NPSR1: variants seen among roughly 807,000 people sequenced by gnomAD.
The protein encoded by NPSR1 is neuropeptide S receptor 1.
Under a neutral mutation model 46.9 loss-of-function variants are expected in NPSR1, and 48 were observed. The ratio of observed to expected loss-of-function variants is 1.02; its 90% CI spans 0.81 to 1.30. The LOEUF (loss-of-function observed/expected upper bound fraction) is 1.30. NPSR1 is among the 50% of genes most tolerant of loss of function. The pLI is 0.00. For synonymous variants in NPSR1, 176 were observed against 168.1 expected (o/e 1.05, Z -0.36); for missense variants, 450 against 449.5 (o/e 1.00, Z -0.01).
intron 2 of NPSR1, among the ~76,000 whole-genome samples, chr7:34,715,861 A>G (rs10239860): frequency 6.6e-6 from 1 of 152,120 alleles, no homozygotes; most frequent in African/African-American, 2.4e-5. Context: ...TGGGTGGTGA[A>G]TAGCACCTGG....
chr7:34,703,299 A>G (rs1473900255), intron 2 of NPSR1, among the ~76,000 whole-genome samples: 3 of 152,204 alleles, frequency 2.0e-5, no homozygotes, highest in Non-Finnish European at 4.4e-5. Flanking sequence ...TGAACCCGGG[A>G]AGCGGAGCTC....
At chr7:34,763,516 CA>C (rs138890615) in intron 2 of NPSR1, among the ~76,000 whole-genome samples, 7 of 149,726 alleles carry the variant, frequency 4.7e-5, no homozygotes, top group Admixed American at 1.3e-4. Flanking sequence ...GAAAGAAATA[CA>C]AAAAAAAATA....
intron 1 of NPSR1, among the ~76,000 whole-genome samples, chr7:34,682,345 G>A (rs1792685597): frequency 6.6e-6 from 1 of 152,106 alleles, no homozygotes; most frequent in South Asian, 2.1e-4. Flanking sequence ...TGCTTGATGG[G>A]CTCTTTCCTG....
At chr7:34,822,432 T>A (rs898495314) in intron 4 of NPSR1, among the ~76,000 whole-genome samples, 1 of 152,230 alleles carries the variant, frequency 6.6e-6, no homozygotes, top group African/African-American at 2.4e-5. Context: ...TTATTTATTT[T>A]TTACTGCTAT....
At chr7:34,796,952 A>G (rs186914009) in intron 3 of NPSR1, among the ~76,000 whole-genome samples, 16 of 152,330 alleles carry the variant, frequency 1.1e-4, no homozygotes, top group African/African-American at 3.6e-4. Flanking sequence ...AAATGGAGAA[A>G]TAAGCTGTGG....
intron 5 of NPSR1, among the ~76,000 whole-genome samples, 195 bp downstream of exon 5, chr7:34,827,797 A>T (rs1433797798): frequency 1.3e-5 from 2 of 152,176 alleles, no homozygotes; most frequent in African/African-American, 4.8e-5. Context: ...AGGAGAAGGG[A>T]ATTAACAATT....
At chr7:34,692,189 T>G (rs1483284063) in intron 2 of NPSR1, among the ~76,000 whole-genome samples, 1 of 152,066 alleles carries the variant, frequency 6.6e-6, no homozygotes, top group East Asian at 1.9e-4. Flanking sequence ...AAACTATATA[T>G]AGACCAAATG....
At chr7:34,663,065 C>G (rs907318732) in intron 1 of NPSR1, among the ~76,000 whole-genome samples, 19 of 90,630 alleles carry the variant, frequency 2.1e-4, no homozygotes, top group African/African-American at 1.2e-3. Context: ...CTCTCTCTCT[C>G]TCTGTGTGTG....
At chr7:34,667,517 C>T (rs1043296596) in intron 1 of NPSR1, among the ~76,000 whole-genome samples, 4 of 152,266 alleles carry the variant, frequency 2.6e-5, no homozygotes, top group East Asian at 3.9e-4. Context: ...CCACTTTCCC[C>T]GCCTTTCCAC....
At chr7:34,755,787 A>G (rs945104312) in intron 2 of NPSR1, among the ~76,000 whole-genome samples, 3 of 150,402 alleles carry the variant, frequency 2.0e-5, no homozygotes, top group Non-Finnish European at 4.5e-5. Flanking sequence ...AAGCAGGCAG[A>G]AAAAAAAAAT....
At chr7:34,705,692 T>G (rs1265624823) in intron 2 of NPSR1, among the ~76,000 whole-genome samples, 1 of 152,142 alleles carries the variant, frequency 6.6e-6, no homozygotes, top group Non-Finnish European at 1.5e-5. Context: ...ATATTAATAT[T>G]ATGTTTATCT....
At chr7:34,809,460 AT>A (rs1157591101) in intron 3 of NPSR1, among the ~76,000 whole-genome samples, 15,853 of 110,462 alleles carry the variant, frequency 0.14, 471 homozygotes, top group African/African-American at 0.17. Flanking sequence ...TCACCCAGGT[AT>A]TTTTTTTTTT....
intron 3 of NPSR1, among the ~76,000 whole-genome samples, chr7:34,783,747 A>C (rs1272717152): frequency 3.9e-5 from 6 of 152,106 alleles, no homozygotes; most frequent in African/African-American, 1.2e-4. Context: ...AACAGAGAAA[A>C]TCCTGATAAC....
At position 34,807,844 on chromosome 7, in the gene NPSR1, TTTGA is replaced by T. The variant is rs551638553; in HGVS notation, c.385-3923_385-3920del. On this transcript the variant is annotated intron_variant, in intron 3 of 8. Coordinates refer to ENST00000360581, the MANE Select transcript of NPSR1 (RefSeq NM_207172.2). ...GCTATTTACTTGTTTTTTCTTTTTATTTGATTATCAATTGTGGTAGGCTTGAAAA... is the reference window on the plus strand; with the variant it reads ...GCTATTTACTTGTTTTTTCTTTTTATTTATCAATTGTGGTAGGCTTGAAAA... 6.6e-5 allele frequency among the ~76,000 whole-genome samples: 10 copies of T among 152,236 alleles called. No individual in the cohort carries two copies. The East Asian group carries it at 1.9e-3, about 29-fold the overall frequency.
intron 2 of NPSR1, among the ~76,000 whole-genome samples, chr7:34,765,100 A>T (rs1786369395): frequency 6.6e-6 from 1 of 152,160 alleles, no homozygotes; most frequent in Admixed American, 6.5e-5. Flanking sequence ...GACCCTACTA[A>T]CAACAAAACT....
At chr7:34,813,359 C>T (rs939901105) in intron 4 of NPSR1, among the ~76,000 whole-genome samples, 2 of 152,096 alleles carry the variant, frequency 1.3e-5, no homozygotes, top group Non-Finnish European at 2.9e-5. Flanking sequence ...GTAAGGCAAT[C>T]GTTGTTCCAA....
At chr7:34,786,766 C>T (rs1054934916) in intron 3 of NPSR1, among the ~76,000 whole-genome samples, 1 of 152,116 alleles carries the variant, frequency 6.6e-6, no homozygotes, top group African/African-American at 2.4e-5. Flanking sequence ...ACAATGTGCA[C>T]TGTCAATGAG....
intron 1 of NPSR1, among the ~76,000 whole-genome samples, chr7:34,661,965 A>C (rs1246204650): frequency 6.6e-6 from 1 of 152,218 alleles, no homozygotes; most frequent in East Asian, 1.9e-4. Context: ...AAACAAATAC[A>C]AAACTCTTCA....
chr7:34,837,814 C>A (rs1790426313), intron 6 of NPSR1, among the ~76,000 whole-genome samples: 1 of 152,138 alleles, frequency 6.6e-6, no homozygotes, highest in African/African-American at 2.4e-5. Context: ...CTGGACACTC[C>A]CTCCAGAGCT....
Sources: allele counts gnomAD v4.1 joint callset (sites outside exome capture counted in the v4.1 genomes callset), GRCh38; gene constraint gnomAD v4.1.1; transcripts MANE v1.5; gene names NCBI Gene and HGNC (gene_info 2026-07-23, HGNC 2026-07-21).